Variants in TBC1D4 observed in about 807,000 individuals in gnomAD.
TBC1D4 encodes the protein TBC1 domain family member 4, also known as TBC (Tre-2, BUB2, CDC16) domain-containing protein.
A neutral mutation model predicts 142.5 loss-of-function variants in TBC1D4; 121 were observed. The ratio of observed to expected loss-of-function variants is 0.85; its 90% confidence interval spans 0.73 to 0.99. The LOEUF is 0.99. TBC1D4 is among the 50% of genes least tolerant of loss of function. The probability of loss-of-function intolerance (pLI) is 0.00; values close to 1 mark genes in which losing one functional copy is unlikely to be tolerated. For synonymous variants in TBC1D4, 630 were observed against 628.2 expected (o/e 1.00, Z -0.04); for missense variants, 1,475 against 1,606.6 (o/e 0.92, Z 1.40).
intron 11 of TBC1D4, among the ~76,000 whole-genome samples, chr13:75,322,396 CA>C (rs1309376169): frequency 6.6e-6 from 1 of 152,056 alleles, no homozygotes; most frequent in Non-Finnish European, 1.5e-5. Context: ...TTTTTCAACC[CA>C]AAACTAATGT....
In TBC1D4 at chr13:75,381,197, C is replaced by T. The variant is rs570474227; in HGVS notation, c.499-18590G>A. ...AAATATTAACTATTTTTCTCCACCTCCTCTTCATTATCAACTAACTCCATG... is the reference window on the plus strand; with the variant it reads ...AAATATTAACTATTTTTCTCCACCTTCTCTTCATTATCAACTAACTCCATG... On this transcript the variant is annotated intron_variant, in intron 1 of 20. Coordinates refer to ENST00000377636, the MANE Select transcript of TBC1D4 (RefSeq NM_014832.5). Among the ~76,000 whole-genome samples the T allele has an allele frequency of 2.0e-5, 3 of 152,224 alleles. No individual in the cohort carries two copies. The South Asian group carries it at 6.2e-4, about 32-fold the overall frequency.
intron 8 of TBC1D4, among the ~76,000 whole-genome samples, chr13:75,333,042 T>A (rs1048694751): frequency 9.9e-5 from 15 of 152,104 alleles, no homozygotes; most frequent in African/African-American, 2.9e-4. Context: ...GCAAATAGAG[T>A]TCAATGGTTA....
intron 7 of TBC1D4, among the ~76,000 whole-genome samples, chr13:75,339,982 C>A (rs1459608523): frequency 6.6e-6 from 1 of 152,210 alleles, no homozygotes; most frequent in East Asian, 1.9e-4. Flanking sequence ...ACTCTCTACT[C>A]CAGCTCCAAA....
intron 1 of TBC1D4, among the ~76,000 whole-genome samples, chr13:75,368,595 C>T (rs1423892088): frequency 2.0e-5 from 3 of 152,228 alleles, no homozygotes; most frequent in Non-Finnish European, 4.4e-5. Context: ...TCCTCTCATG[C>T]TGTCTCACTG....
intron 3 of TBC1D4, among the ~76,000 whole-genome samples, chr13:75,358,048 C>T (rs1298902089): frequency 2.6e-5 from 4 of 151,542 alleles, no homozygotes; most frequent in African/African-American, 4.9e-5. Context: ...GTTTTCTCAC[C>T]AGGAGGCTTG....
chr13:75,332,216 A>C (rs1879808113), intron 8 of TBC1D4, among the ~76,000 whole-genome samples: 1 of 152,230 alleles, frequency 6.6e-6, no homozygotes. Flanking sequence ...AGAGGTTTTG[A>C]GCTTACTACT....
intron 1 of TBC1D4, among the ~76,000 whole-genome samples, chr13:75,466,023 C>G (rs1888152325): frequency 6.6e-6 from 1 of 152,180 alleles, no homozygotes; most frequent in Non-Finnish European, 1.5e-5. Flanking sequence ...CTCATGTCTC[C>G]CTAAAACCAA....
intron 18 of TBC1D4, among the ~76,000 whole-genome samples, chr13:75,292,762 T>TAA (rs1875459362): frequency 6.8e-6 from 1 of 147,756 alleles, no homozygotes; most frequent in Non-Finnish European, 1.5e-5. Flanking sequence ...TTAAAACAAA[T>TAA]GAAAAACATA....
chr13:75,362,736 C>T lies in TBC1D4; in HGVS notation c.499-129G>A, dbSNP rs961418609. On this transcript the variant is annotated intron_variant, in intron 1 of 20. Transcript: ENST00000377636. This position sits in a 1 kb window ranked among gnomAD's most constrained non-coding sequence, Gnocchi z 4.2. The stretch of plus-strand genomic sequence containing the variant: ...AATATACAAAGTAATAGACACTACA[C>T]GAGACAGAGCATACACTTACATTAT... The T allele has an allele frequency of 2.6e-5, 24 of 914,132 alleles. No homozygotes were observed. Among genetic ancestry groups the T allele is most frequent in the South Asian group, 7.8e-5 (5 of 63,814 alleles). The allele number at this position is 914,132 out of a possible 1,614,324, so 56.6% of individuals were successfully genotyped here. A position where few individuals can be genotyped will look rare whatever the true frequency, so the allele number is the denominator to read the frequency against.
chr13:75,299,436 A>G lies in TBC1D4; in HGVS notation c.3050T>C (p.Val1017Ala). 6.2e-7 allele frequency: 1 copy of G among 1,613,960 alleles called. No individual in the cohort carries two copies. Among genetic ancestry groups the G allele is most frequent in the Non-Finnish European group, 8.5e-7 (1 of 1,179,994 alleles). ...YCQGISFVAG[V>A]LLLHMSEEQA... ...CTCTTCACTCATGTGCAGAAGCAGG[A>G]CTCCAGCCACAAAGCTGATCCCCTG... Residue 1017 changes from valine to alanine, a missense_variant, in exon 17 of 21, where the codon GTC (valine) becomes GCC (alanine). Physicochemically the swap from Val to Ala is moderately conservative, Grantham distance 64. Transcript: ENST00000377636.
Position 75,481,797 on chromosome 13 carries a change from G to A in TBC1D4, c.-30C>T, listed in dbSNP as rs765128813. 1.8e-4 allele frequency: 270 copies of A among 1,474,808 alleles called. No individual in the cohort carries two copies. Among genetic ancestry groups the A allele is most frequent in the Non-Finnish European group, 2.3e-4 (253 of 1,122,314 alleles). The allele number at this position is 1,474,808 out of a possible 1,614,324, so 91.4% of individuals were successfully genotyped here. On this transcript the variant is annotated 5_prime_UTR_variant, in exon 1 of 21. Coordinates refer to ENST00000377636, the MANE Select transcript of TBC1D4 (RefSeq NM_014832.5). ...CTCGCCTCACCAGGGCACCGCGGAG[G>A]CCGGCCGGGCGCACCGCGCCCCCCA...
At chr13:75,469,508 T>C (rs913541297) in intron 1 of TBC1D4, among the ~76,000 whole-genome samples, 1 of 152,172 alleles carries the variant, frequency 6.6e-6, no homozygotes, top group African/African-American at 2.4e-5. Context: ...CTGTGGCTCA[T>C]ACCTGTAATC....
intron 1 of TBC1D4, among the ~76,000 whole-genome samples, chr13:75,431,075 T>C (rs919504834): frequency 6.6e-5 from 10 of 152,106 alleles, no homozygotes; most frequent in Admixed American, 6.6e-4. Context: ...CCAGGGAGAA[T>C]AAAAGGGAAA....
chr13:75,444,076 TG>T (rs961053977), intron 1 of TBC1D4, among the ~76,000 whole-genome samples: 6 of 152,208 alleles, frequency 3.9e-5, no homozygotes, highest in African/African-American at 1.4e-4. Flanking sequence ...TACATTTAGT[TG>T]TGGAGGGAAA....
intron 5 of TBC1D4, among the ~76,000 whole-genome samples, chr13:75,346,077 T>C (rs1239799303): frequency 1.3e-5 from 2 of 152,246 alleles, no homozygotes; most frequent in East Asian, 3.8e-4. Flanking sequence ...AAAATATTAC[T>C]TATAAACAAT....
Position 75,386,912 on chromosome 13 carries a change from G to A in TBC1D4, c.499-24305C>T, listed in dbSNP as rs189829605. On this transcript the variant is annotated intron_variant, in intron 1 of 20. Transcript: ENST00000377636. Reference sequence around the variant, plus strand: ...AAACCTGGTGTAGGTATTTTTCCTTGTTGATAATTTAGATCTTTATCATTA... The same window carrying A: ...AAACCTGGTGTAGGTATTTTTCCTTATTGATAATTTAGATCTTTATCATTA... Among the ~76,000 whole-genome samples the A allele has an allele frequency of 4.4e-3, 671 of 152,070 alleles. 5 individuals carry two copies. The highest frequency in any genetic ancestry group is 0.014 in the African/African-American group (599 of 41,500).
intron 1 of TBC1D4, among the ~76,000 whole-genome samples, chr13:75,460,580 G>A (rs910316285): frequency 7.2e-5 from 11 of 152,210 alleles, no homozygotes; most frequent in Middle Eastern, 3.4e-3. Context: ...ACCAACCCAC[G>A]GTATGGAGCT....
intron 7 of TBC1D4, 38 bp from the exon 8 acceptor site, chr13:75,337,078 TACTC>T: frequency 6.3e-7 from 1 of 1,587,356 alleles, no homozygotes; most frequent in South Asian, 1.1e-5. Context: ...AGTTTGGAAA[TACTC>T]AAGGTTAAAT....
chr13:75,287,939 G>A (rs148151422), intron 20 of TBC1D4, among the ~76,000 whole-genome samples: 7 of 152,166 alleles, frequency 4.6e-5, no homozygotes, highest in African/African-American at 7.2e-5. Flanking sequence ...TCATCTCCCC[G>A]AAGACTTCAG....
Sources: allele counts gnomAD v4.1 joint callset (sites outside exome capture counted in the v4.1 genomes callset), GRCh38; gene constraint gnomAD v4.1.1; non-coding constraint Gnocchi (gnomAD v3.1); transcripts MANE v1.5; gene names NCBI Gene and HGNC (gene_info 2026-07-23, HGNC 2026-07-21).